The following OR51E2 variants were observed in gnomAD, a reference collection of about 807,000 sequenced individuals.
The protein encoded by OR51E2 is olfactory receptor 51E2.
In OR51E2, 14 loss-of-function variants were observed where a neutral mutation model predicts 13.7. The ratio of observed to expected loss-of-function variants is 1.02; its 90% confidence interval spans 0.68 to 1.60. The LOEUF (loss-of-function observed/expected upper bound fraction) is 1.60. OR51E2 is among the 40% of genes most tolerant of loss of function. The probability of loss-of-function intolerance (pLI) is 0.00; values close to 1 mark genes in which losing one functional copy is unlikely to be tolerated. For missense variants in OR51E2, 483 were observed against 413.8 expected (o/e 1.17, Z -1.45); for synonymous variants, 180 against 157.6 (o/e 1.14, Z -1.07).
At chr11:4,689,197 A>G (rs1847549561) in intron 1 of OR51E2, among the ~76,000 whole-genome samples, 1 of 152,218 alleles carries the variant, frequency 6.6e-6, no homozygotes, top group Non-Finnish European at 1.5e-5. Flanking sequence ...CAATAATTGA[A>G]ACTGAAATGT....
rs1036633579 is a variant in OR51E2 at position 4,681,626 on chromosome 11, T to C, written c.*123A>G. 8 of 1,025,596 alleles carry C rather than the reference T, an allele frequency of 7.8e-6. No individual in the cohort carries two copies. In the African/African-American group the frequency reaches 8.0e-5, roughly 10 times the overall value. The allele number at this position is 1,025,596 out of a possible 1,614,324, so 63.5% of individuals were successfully genotyped here. On this transcript the variant is annotated 3_prime_UTR_variant, in exon 2 of 2. Coordinates refer to ENST00000396950, the MANE Select transcript of OR51E2 (RefSeq NM_030774.4). ...TCCTTTAGGTAGATGTACCATACTT[T>C]AGTTTACTATTCCAGCCAGAGAAAA...
chr11:4,682,748 G>A lies in OR51E2; in HGVS notation c.-37C>T, dbSNP rs764931570. 1.3e-6 allele frequency: 2 copies of A among 1,594,154 alleles called. No homozygotes were observed. The highest frequency in any genetic ancestry group is 8.6e-7 in the Non-Finnish European group (1 of 1,169,574). On this transcript the variant is annotated 5_prime_UTR_variant, in exon 2 of 2. Transcript: ENST00000396950. Reference sequence around the variant, plus strand: ...AGGAGGGGTGACTGGAGAGGGTGAGGTCACACTGGCAGTCTGCAGGGACAT... The same window carrying A: ...AGGAGGGGTGACTGGAGAGGGTGAGATCACACTGGCAGTCTGCAGGGACAT...
intron 1 of OR51E2, among the ~76,000 whole-genome samples, chr11:4,683,483 C>T (rs76901459): frequency 1.1e-3 from 160 of 152,210 alleles, no homozygotes; most frequent in Admixed American, 4.2e-3. Flanking sequence ...AAAGGAAACT[C>T]ATCTGTGGTC....
At chr11:4,685,602 T>G (rs1474883372) in intron 1 of OR51E2, among the ~76,000 whole-genome samples, 1 of 152,230 alleles carries the variant, frequency 6.6e-6, no homozygotes, top group East Asian at 1.9e-4. Context: ...TGCTCTTCAT[T>G]GCTCCTAGAT....
Position 4,682,683 on chromosome 11 carries a change from G to T in OR51E2, c.29C>A (p.Thr10Asn), listed in dbSNP as rs1421524450. The T allele has an allele frequency of 2.5e-6, 4 of 1,613,900 alleles. No homozygotes were observed. In the African/African-American group the frequency reaches 4.0e-5, roughly 16 times the overall value. ...TCCTGGGATACCAATAAGCACAAAG[G>T]TGGCATGTGTGAAGTTGCAGGAACT... MSSCNFTHA[T>N]FVLIGIPGLE... Residue 10 changes from threonine to asparagine, a missense_variant, in exon 2 of 2, where the codon ACC becomes AAC. Transcript: ENST00000396950.
chr11:4,684,531 G>T (rs888933479), intron 1 of OR51E2, among the ~76,000 whole-genome samples: 7 of 152,282 alleles, frequency 4.6e-5, no homozygotes, highest in African/African-American at 1.7e-4. Flanking sequence ...AAAAGAGCAG[G>T]CATGGAGGGA....
At chr11:4,693,662 AG>A (rs773189653) in intron 1 of OR51E2, among the ~76,000 whole-genome samples, 3 of 152,118 alleles carry the variant, frequency 2.0e-5, no homozygotes, top group Admixed American at 6.5e-5. Context: ...CGGAGCTTCC[AG>A]GTGAACCGAG....
chr11:4,682,093 C>G lies in OR51E2; in HGVS notation c.619G>C (p.Gly207Arg). Residue 207 changes from glycine (G) to arginine (R), a missense_variant, in exon 2 of 2, where the codon GGC becomes CGC. Coordinates refer to ENST00000396950, the MANE Select transcript of OR51E2 (RefSeq NM_030774.4). ...AAGGAGATGAACATTACGTCCACGC[C>G]CATGACCAGCAGAATGGCAGTAAGA... ...YGLTAILLVM[G>R]VDVMFISLSY... The G allele has an allele frequency of 6.2e-7, 1 of 1,614,192 alleles. No homozygotes were observed. The highest frequency in any genetic ancestry group is 1.1e-5 in the South Asian group (1 of 91,080).
chr11:4,692,940 G>A (rs2133252116), intron 1 of OR51E2, among the ~76,000 whole-genome samples: 1 of 152,142 alleles, frequency 6.6e-6, no homozygotes, highest in African/African-American at 2.4e-5. Flanking sequence ...ACACGATTTG[G>A]CCAAATAATG....
Position 4,681,610 on chromosome 11 carries a change from T to G in OR51E2, c.*139A>C. On this transcript the variant is annotated 3_prime_UTR_variant, in exon 2 of 2. Transcript: ENST00000396950. The stretch of plus-strand genomic sequence containing the variant: ...TTATTCCACATAATAGTCCTTTAGG[T>G]AGATGTACCATACTTTAGTTTACTA... The G allele has an allele frequency of 1.2e-6, 1 of 847,704 alleles. No homozygotes were observed. Among genetic ancestry groups the G allele is most frequent in the East Asian group, 2.6e-5 (1 of 38,978 alleles). 52.5% of individuals were successfully genotyped at this position (847,704 alleles called of 1,614,324 possible).
intron 1 of OR51E2, chr11:4,685,188 G>T (rs370691754): frequency 6.6e-6 from 1 of 152,266 alleles, no homozygotes; most frequent in South Asian, 2.1e-4. Context: ...GAGGCCCCAG[G>T]GACTTGGCAG....
At chr11:4,691,684 T>C (rs1847582306) in intron 1 of OR51E2, 1 of 376,954 alleles carries the variant, frequency 2.7e-6, no homozygotes. Context: ...GTGGAGGTGA[T>C]ATTCTGCAAA....
rs773316403 is a variant in OR51E2 at position 4,682,692 on chromosome 11, G to A, written c.20C>T (p.Thr7Ile). ...ACCAATAAGCACAAAGGTGGCATGT[G>A]TGAAGTTGCAGGAACTCATAGCTGG... MSSCNF[T>I]HATFVLIGIP... is the part of the protein sequence containing the mutation. Residue 7 changes from threonine (T) to isoleucine (I), a missense_variant, in exon 2 of 2, where the codon ACA (threonine) becomes ATA (isoleucine). By Grantham distance (89) the Thr-to-Ile change is moderately conservative. Transcript: ENST00000396950. The A allele has an allele frequency of 1.2e-6, 2 of 1,613,784 alleles. No homozygotes were observed. The highest frequency in any genetic ancestry group is 2.2e-5 in the South Asian group (2 of 91,060).
intron 1 of OR51E2, among the ~76,000 whole-genome samples, chr11:4,693,917 C>T (rs373076603): frequency 1.3e-5 from 2 of 152,012 alleles, no homozygotes; most frequent in East Asian, 1.9e-4. Context: ...AGAGCAGAAC[C>T]GTTTTTCAAT....
At chr11:4,690,832 G>C (rs779285565) in intron 1 of OR51E2, 20 of 454,166 alleles carry the variant, frequency 4.4e-5, no homozygotes, top group African/African-American at 3.0e-4. Flanking sequence ...TAGATGACAG[G>C]GTTCATCAAA....
At position 4,685,717 on chromosome 11, in the gene OR51E2, T is replaced by C. The variant is rs75195999; in HGVS notation, c.-50-2956A>G. On this transcript the variant is annotated intron_variant, in intron 1 of 1. Coordinates refer to ENST00000396950, the MANE Select transcript of OR51E2 (RefSeq NM_030774.4). The stretch of plus-strand genomic sequence containing the variant: ...CAGGTATTCCGACTGTTTATTCACA[T>C]TAAACAAATGTTTGTCAAAGGCTTA... 1.1e-4 allele frequency: 17 copies of C among 152,318 alleles called. 1 individual carries two copies. In the East Asian group the frequency reaches 3.3e-3, roughly 29 times the overall value. The allele number at this position is 152,318 out of a possible 1,614,324, so 9.4% of individuals were successfully genotyped here.
chr11:4,690,036 AG>A (rs1847558796), intron 1 of OR51E2, among the ~76,000 whole-genome samples: 1 of 147,848 alleles, frequency 6.8e-6, no homozygotes, highest in East Asian at 1.9e-4. Flanking sequence ...TATATATATA[AG>A]TTCATATAAT....
chr11:4,696,196 G>A (rs1847654041), intron 1 of OR51E2, among the ~76,000 whole-genome samples: 1 of 152,164 alleles, frequency 6.6e-6, no homozygotes, highest in African/African-American at 2.4e-5. Flanking sequence ...ACCCCTGAGG[G>A]ACATCTCTAC....
Position 4,681,996 on chromosome 11 carries a change from G to A in OR51E2, c.716C>T (p.Thr239Ile), listed in dbSNP as rs765016110. The A allele has an allele frequency of 1.2e-6, 2 of 1,614,238 alleles. No individual in the cohort carries two copies. The highest frequency in any genetic ancestry group is 1.1e-5 in the South Asian group (1 of 91,086). The change falls in exon 2 of 2, where the codon ACC becomes ATC. Residue 239 changes from threonine to isoleucine, a missense_variant. Thr to Ile is a moderately conservative substitution (Grantham distance 89). Transcript: ENST00000396950. ...TACCACACCAATGTGTGACACACAGGTTCCAAAGGCCTTGGCCCGCTCTGA... is the reference window on the plus strand; with the variant it reads ...TACCACACCAATGTGTGACACACAGATTCCAAAGGCCTTGGCCCGCTCTGA... ...SKSERAKAFG[T>I]CVSHIGVVLA...
Sources: gnomAD v4.1 joint callset for allele counts (sites outside exome capture counted in the v4.1 genomes callset) on GRCh38, gnomAD v4.1.1 for gene constraint, MANE v1.5 for transcripts, NCBI Gene and HGNC (gene_info 2026-07-23, HGNC 2026-07-21) for gene names.